Variants in STK39 observed in about 807,000 individuals in gnomAD.
The protein encoded by STK39 is serine/threonine kinase 39, also known as STE20/SPS1-related proline-alanine-rich protein kinase.
A neutral mutation model predicts 77.8 loss-of-function variants in STK39; 20 were observed. That is an observed-to-expected ratio of 0.26 (90% CI 0.18 to 0.37). STK39 has a LOEUF of 0.37. Ranked by LOEUF, STK39 falls within the 10% of genes least tolerant of loss-of-function variation. The pLI, the probability that STK39 is intolerant of heterozygous loss-of-function variation, is 1.00. For missense variants in STK39, 479 were observed against 656.5 expected, an observed-to-expected ratio of 0.73 and a Z score of 2.95; for synonymous variants, 246 against 234.1, an observed-to-expected ratio of 1.05 and a Z score of -0.47.
At chr2:168,168,414 T>C (rs755460403) in intron 2 of STK39, among the ~76,000 whole-genome samples, 1 of 152,094 alleles carries the variant, frequency 6.6e-6, no homozygotes, top group African/African-American at 2.4e-5. Context: ...CAAGGTGCCA[T>C]AAAAAGGACA....
chr2:167,983,752 C>G (rs953786323), intron 16 of STK39, among the ~76,000 whole-genome samples: 7 of 152,156 alleles, frequency 4.6e-5, no homozygotes, highest in African/African-American at 1.4e-4. Flanking sequence ...CCTATCCTGA[C>G]AGCATGCCCC....
At chr2:168,005,416 G>GAA (rs67590818) in intron 16 of STK39, among the ~76,000 whole-genome samples, 5 of 144,658 alleles carry the variant, frequency 3.5e-5, no homozygotes, top group African/African-American at 5.0e-5. Context: ...ACGCAGAGAG[G>GAA]AAAAAAAAAA....
chr2:168,197,511 AT>A (rs1689501249), intron 1 of STK39, among the ~76,000 whole-genome samples: 1 of 152,236 alleles, frequency 6.6e-6, no homozygotes, highest in South Asian at 2.1e-4. Flanking sequence ...GGAAGGAACA[AT>A]AAAAACCGAG....
rs200890636 is a variant in STK39, at chr2:167,954,352, G to C, written c.*1144C>G. The C allele has an allele frequency of 2.6e-4, 39 of 152,568 alleles. No individual in the cohort carries two copies. The highest frequency in any genetic ancestry group is 4.7e-4 in the Non-Finnish European group (32 of 67,992). 9.5% of individuals were successfully genotyped at this position (152,568 alleles called of 1,614,324 possible). A position where few individuals can be genotyped will look rare whatever the true frequency, so the allele number is the denominator to read the frequency against. On this transcript the variant is annotated 3_prime_UTR_variant, in exon 18 of 18. Transcript: ENST00000355999. ...TCCATAATATACAGTCAAGCAGAGGGCTACTTGGGTTGAAAGTATTGATTC... is the reference window on the plus strand; with the variant it reads ...TCCATAATATACAGTCAAGCAGAGGCCTACTTGGGTTGAAAGTATTGATTC...
At chr2:168,034,891 C>A (rs1452455107) in intron 14 of STK39, among the ~76,000 whole-genome samples, 1 of 152,162 alleles carries the variant, frequency 6.6e-6, no homozygotes, top group Non-Finnish European at 1.5e-5. Context: ...AGAAAAAAAC[C>A]ATAATACTCA....
chr2:168,141,782 G>T (rs1224733513), intron 5 of STK39, among the ~76,000 whole-genome samples: 3 of 152,138 alleles, frequency 2.0e-5, no homozygotes, highest in Admixed American at 6.5e-5. Flanking sequence ...AGTCCCCCTT[G>T]TTGGCTGTCA....
chr2:168,179,559 A>G (rs1007138613), intron 2 of STK39, among the ~76,000 whole-genome samples: 1 of 152,242 alleles, frequency 6.6e-6, no homozygotes. Context: ...TAATGCAAAT[A>G]TATTATACTC....
chr2:168,179,565 TA>T (rs1190497316), intron 2 of STK39, among the ~76,000 whole-genome samples: 1 of 152,178 alleles, frequency 6.6e-6, no homozygotes. Context: ...AAATATATTA[TA>T]CTCTATTGCA....
intron 4 of STK39, among the ~76,000 whole-genome samples, chr2:168,163,025 T>TC (rs1553536775): frequency 1.6e-5 from 2 of 126,926 alleles, no homozygotes; most frequent in African/African-American, 6.4e-5. Flanking sequence ...AGACTCTGTC[T>TC]CAAAAAAAAA....
At chr2:168,028,976 T>C (rs1258092864) in intron 14 of STK39, among the ~76,000 whole-genome samples, 1 of 152,236 alleles carries the variant, frequency 6.6e-6, no homozygotes, top group African/African-American at 2.4e-5. Context: ...CATTCTGAGA[T>C]AAATGCATTT....
intron 14 of STK39, among the ~76,000 whole-genome samples, chr2:168,041,674 T>A (rs1198263999): frequency 1.3e-5 from 2 of 152,218 alleles, no homozygotes; most frequent in Non-Finnish European, 2.9e-5. Context: ...TGGTCAGAAC[T>A]CCTAACTTGG....
intron 16 of STK39, among the ~76,000 whole-genome samples, chr2:167,990,267 C>G (rs971619688): frequency 6.6e-6 from 1 of 152,166 alleles, no homozygotes; most frequent in Non-Finnish European, 1.5e-5. Flanking sequence ...CTGTTCACAA[C>G]CAAATGACAT....
At chr2:167,968,863 AACTT>A (rs1290926088) in intron 16 of STK39, among the ~76,000 whole-genome samples, 2 of 152,184 alleles carry the variant, frequency 1.3e-5, no homozygotes, top group African/African-American at 4.8e-5. Context: ...GCATACAGAA[AACTT>A]ACTAACTCAG....
At chr2:167,963,786 C>A (rs929471806) in intron 17 of STK39, among the ~76,000 whole-genome samples, 4 of 152,176 alleles carry the variant, frequency 2.6e-5, no homozygotes, top group African/African-American at 4.8e-5. Flanking sequence ...TGTAACTAAT[C>A]ATTTAGCATT....
At chr2:168,102,359 G>A (rs1161942265) in intron 10 of STK39, among the ~76,000 whole-genome samples, 1 of 152,110 alleles carries the variant, frequency 6.6e-6, no homozygotes, top group Admixed American at 6.5e-5. Flanking sequence ...CGGGTATGAG[G>A]TAGTATCCTG....
rs748620465 is a variant in STK39 at position 168,075,258 on chromosome 2, C to T, written c.1090-27G>A. The T allele has an allele frequency of 3.1e-6, 5 of 1,612,328 alleles. No individual in the cohort carries two copies. In the Admixed American group the frequency reaches 8.3e-5, roughly 27 times the overall value. ...TGAATCAAAACAAGCCCACACAATT[C>T]TTCACTAGTCAAATGTGAACCATTT... On this transcript the variant is annotated intron_variant, in intron 10 of 17. Coordinates refer to ENST00000355999, the MANE Select transcript of STK39 (RefSeq NM_013233.3).
At chr2:168,124,210 C>T (rs1314669276) in intron 10 of STK39, among the ~76,000 whole-genome samples, 1 of 152,110 alleles carries the variant, frequency 6.6e-6, no homozygotes, top group Non-Finnish European at 1.5e-5. Flanking sequence ...AAAGTTCAAG[C>T]AATAACCCTC....
chr2:168,023,328 A>C (rs547216697), intron 14 of STK39, among the ~76,000 whole-genome samples: 2 of 150,498 alleles, frequency 1.3e-5, no homozygotes, highest in South Asian at 4.2e-4. Context: ...GGCGTGCATT[A>C]AGTTTTTCTT....
chr2:168,204,048 A>C (rs1408839513), intron 1 of STK39, among the ~76,000 whole-genome samples: 3 of 152,212 alleles, frequency 2.0e-5, no homozygotes, highest in Admixed American at 6.5e-5. Context: ...TAAGATTATA[A>C]GGTTTGAAGA....
Sources: gnomAD v4.1 joint callset for allele counts (sites outside exome capture counted in the v4.1 genomes callset) on GRCh38, gnomAD v4.1.1 for gene constraint, MANE v1.5 for transcripts, NCBI Gene and HGNC (gene_info 2026-07-23, HGNC 2026-07-21) for gene names.